Variants in SYNJ1 observed in about 807,000 individuals in gnomAD.
SYNJ1 encodes the protein synaptojanin 1, also known as polyphosphatidylinositol phosphatase SYNJ1.
SYNJ1 carries 78 observed loss-of-function variants against 168.2 expected under a neutral mutation model. The observed-to-expected ratio is 0.46, with a 90% confidence interval of 0.39 to 0.56. SYNJ1 has a LOEUF of 0.56. Among genes scored for constraint, SYNJ1 ranks in the 20% least tolerant of loss-of-function variants. SYNJ1 has a pLI of 0.00. For missense variants in SYNJ1, 1,303 were observed against 1,597.6 expected (o/e 0.82, Z 3.14); for synonymous variants, 539 against 548.6 (o/e 0.98, Z 0.24).
intron 2 of SYNJ1, among the ~76,000 whole-genome samples, chr21:32,725,740 CTA>C (rs1377121605): frequency 3.3e-5 from 5 of 152,126 alleles, no homozygotes; most frequent in African/African-American, 9.7e-5. Context: ...CTTTCAAACA[CTA>C]TTTTTAATTT....
intron 2 of SYNJ1, 62 bp from the exon 3 acceptor site, chr21:32,702,109 G>T: frequency 8.4e-7 from 1 of 1,188,054 alleles, no homozygotes; most frequent in Non-Finnish European, 1.2e-6. Context: ...ATTTAGCTAA[G>T]TATAAATCCA....
At chr21:32,637,062 T>C (rs757209966) in intron 31 of SYNJ1, among the ~76,000 whole-genome samples, 1 of 152,220 alleles carries the variant, frequency 6.6e-6, no homozygotes, top group Non-Finnish European at 1.5e-5. Flanking sequence ...GATTTTATAA[T>C]GATAACTACA....
At chr21:32,655,258 A>C (rs1486843229) in intron 21 of SYNJ1, among the ~76,000 whole-genome samples, 1 of 152,018 alleles carries the variant, frequency 6.6e-6, no homozygotes, top group African/African-American at 2.4e-5. Flanking sequence ...TTTATCTGCT[A>C]CTCTGCTGCC....
chr21:32,685,767 T>C lies in SYNJ1; in HGVS notation c.1099A>G (p.Asn367Asp). 1 of 1,606,470 alleles carries C rather than the reference T, an allele frequency of 6.2e-7. No homozygotes were observed. The highest frequency in any genetic ancestry group is 8.5e-7 in the Non-Finnish European group (1 of 1,177,632). ...KFLDYGFFYF[N>D]GSEVQRCQSG... Reference sequence around the variant, plus strand: ...TCAAACCTTTGAACTTCACTTCCATTGAAATAAAAAAATCCATAATCTAGA... The same window carrying C: ...TCAAACCTTTGAACTTCACTTCCATCGAAATAAAAAAATCCATAATCTAGA... Residue 367 changes from asparagine (N) to aspartate (D), a missense_variant, in exon 9 of 33, where the codon AAT becomes GAT. Asn to Asp is a conservative substitution (Grantham distance 23). Transcript: ENST00000674351.
chr21:32,637,600 G>A (rs2039635424), intron 31 of SYNJ1, among the ~76,000 whole-genome samples: 1 of 152,010 alleles, frequency 6.6e-6, no homozygotes, highest in Admixed American at 6.6e-5. Flanking sequence ...CAAAACAAAA[G>A]AGACAGGGTT....
At chr21:32,727,782 T>G in intron 1 of SYNJ1, 164 bp downstream of exon 1, 1 of 1,384,512 alleles carries the variant, frequency 7.2e-7, no homozygotes, top group South Asian at 1.5e-5. Flanking sequence ...ACCAGTGGTC[T>G]GCTCACAACC....
chr21:32,662,647 A>G (rs550373993), intron 18 of SYNJ1, among the ~76,000 whole-genome samples: 5 of 152,300 alleles, frequency 3.3e-5, no homozygotes, highest in South Asian at 4.1e-4. Flanking sequence ...ATTAAGAGCA[A>G]TAAGTTAGGA....
chr21:32,690,587 T>C (rs1447913208), intron 6 of SYNJ1, among the ~76,000 whole-genome samples: 1 of 152,132 alleles, frequency 6.6e-6, no homozygotes, highest in Non-Finnish European at 1.5e-5. Flanking sequence ...ACCATAACTT[T>C]ACCCAATTAA....
intron 21 of SYNJ1, among the ~76,000 whole-genome samples, chr21:32,656,169 C>T (rs1463404092): frequency 1.3e-5 from 2 of 152,194 alleles, no homozygotes; most frequent in African/African-American, 2.4e-5. Context: ...TGGTGGCTCA[C>T]GCCTGTAATC....
At chr21:32,666,630 T>A (rs2040945380) in intron 15 of SYNJ1, 57 bp from the exon 16 acceptor site, 1 of 1,535,984 alleles carries the variant, frequency 6.5e-7, no homozygotes. Flanking sequence ...ATAGCCTATT[T>A]TATGACAATT....
intron 27 of SYNJ1, 104 bp downstream of exon 27, chr21:32,643,306 A>C (rs1025899507): frequency 1.2e-5 from 15 of 1,202,762 alleles, no homozygotes; most frequent in Non-Finnish European, 3.6e-6. Flanking sequence ...CTGGACCAAG[A>C]AAAGATTTAG....
intron 2 of SYNJ1, among the ~76,000 whole-genome samples, chr21:32,722,458 G>A (rs534439568): frequency 1.6e-4 from 24 of 152,036 alleles, no homozygotes; most frequent in Non-Finnish European, 2.6e-4. Flanking sequence ...GCTGAGGCAC[G>A]AGAATCACTT....
chr21:32,644,156 T>C (rs968849072), intron 26 of SYNJ1, among the ~76,000 whole-genome samples: 64 of 151,588 alleles, frequency 4.2e-4, no homozygotes, highest in African/African-American at 1.5e-3. Flanking sequence ...AAAAATTAAA[T>C]GTTTTCTATA....
At chr21:32,714,921 T>A (rs1418625546) in intron 2 of SYNJ1, among the ~76,000 whole-genome samples, 1 of 151,968 alleles carries the variant, frequency 6.6e-6, no homozygotes, top group African/African-American at 2.4e-5. Context: ...ATTATCTGAG[T>A]TTCAAAAAGC....
At chr21:32,664,752 C>A (rs954799026) in intron 18 of SYNJ1, among the ~76,000 whole-genome samples, 161 bp downstream of exon 18, 1 of 152,160 alleles carries the variant, frequency 6.6e-6, no homozygotes, top group African/African-American at 2.4e-5. Context: ...GCAGCTCATC[C>A]TGCTACACTT....
intron 2 of SYNJ1, among the ~76,000 whole-genome samples, chr21:32,702,423 G>A (rs1465120348): frequency 6.6e-6 from 1 of 152,156 alleles, no homozygotes; most frequent in East Asian, 1.9e-4. Context: ...CAAAAGTCTG[G>A]TCTTTGCCTT....
chr21:32,639,372 CT>C (rs1267052390), intron 30 of SYNJ1, among the ~76,000 whole-genome samples: 2 of 151,874 alleles, frequency 1.3e-5, no homozygotes, highest in East Asian at 3.9e-4. Flanking sequence ...TAGTATCTAC[CT>C]TTCTTTTCTC....
chr21:32,727,907 T>C (rs765094106), intron 1 of SYNJ1, 39 bp downstream of exon 1: 428 of 1,530,814 alleles, frequency 2.8e-4, no homozygotes, highest in Non-Finnish European at 3.7e-4. Flanking sequence ...CCCGTGGGTC[T>C]GGCCGCAGCA....
In SYNJ1 at chr21:32,646,607, G is replaced by C. The variant is rs879885769; in HGVS notation, c.3038-5C>G. On this transcript the variant is annotated splice_polypyrimidine_tract_variant and splice_region_variant and intron_variant, in intron 23 of 32. Coordinates refer to ENST00000674351, the MANE Select transcript of SYNJ1 (RefSeq NM_203446.3). ...CACTATAGTCATCAACATCACCTAA[G>C]GAAAAGCAGGCTTGATCAGAGATAA... 2 of 1,611,356 alleles carry C rather than the reference G, an allele frequency of 1.2e-6. No individual in the cohort carries two copies. Among genetic ancestry groups the C allele is most frequent in the Non-Finnish European group, 8.5e-7 (1 of 1,177,638 alleles).
Sources: allele counts gnomAD v4.1 joint callset (sites outside exome capture counted in the v4.1 genomes callset), GRCh38; gene constraint gnomAD v4.1.1; transcripts MANE v1.5; gene names NCBI Gene and HGNC (gene_info 2026-07-23, HGNC 2026-07-21).